Variants in ATG10 observed in about 807,000 individuals in gnomAD.
ATG10 encodes autophagy related 10.
In ATG10, 30 loss-of-function variants were observed where a neutral mutation model predicts 32.1. That is an observed-to-expected ratio of 0.94 (90% CI 0.70 to 1.27). The LOEUF (loss-of-function observed/expected upper bound fraction) is 1.27. Among genes scored for constraint, ATG10 ranks in the 50% most tolerant of loss-of-function variants. The pLI, the probability that ATG10 is intolerant of heterozygous loss-of-function variation, is 0.00. For synonymous variants in ATG10, 87 were observed against 91.5 expected (o/e 0.95, Z 0.28); for missense variants, 233 against 262.3 (o/e 0.89, Z 0.77).
intron 1 of ATG10, among the ~76,000 whole-genome samples, chr5:81,978,120 A>G (rs1431177996): frequency 6.6e-6 from 1 of 151,984 alleles, no homozygotes; most frequent in Non-Finnish European, 1.5e-5. Flanking sequence ...CCCAAGCTGG[A>G]GTGCAATGGC....
At position 82,026,386 on chromosome 5, in the gene ATG10, G is replaced by T. The variant is rs138096769; in HGVS notation, c.109-32109G>T. Among the ~76,000 whole-genome samples the T allele has an allele frequency of 1.2e-3, 189 of 152,148 alleles. 2 individuals carry two copies. The highest frequency in any genetic ancestry group is 4.2e-3 in the African/African-American group (175 of 41,516). On this transcript the variant is annotated intron_variant, in intron 2 of 7. Transcript: ENST00000282185. ...TTGTTTATCCATTCTTCTGTTAATG[G>T]ATATTGGGGTTGCTTTCATCTTTTA...
intron 5 of ATG10, among the ~76,000 whole-genome samples, chr5:82,217,054 C>CAAAA (rs144022531): frequency 6.9e-6 from 1 of 144,200 alleles, no homozygotes. Flanking sequence ...GACTCAGTCT[C>CAAAA]AAAAAAAAAA....
Position 81,993,396 on chromosome 5 carries a change from T to TCTTTTCTTTTCTTTTCTTTTCTTA in ATG10, c.108+5718_108+5719insCTTTTCTTTTCTTTTCTTTTCTTA, listed in dbSNP as rs1457131341. ...TTCTTTTCTTTTCTTTTCTTTTTTT[T>TCTTTTCTTTTCTTTTCTTTTCTTA]TCTTTTCTTTTCTTTTCTTTTCTTT... On this transcript the variant is annotated intron_variant, in intron 2 of 7. Transcript: ENST00000282185. Among the ~76,000 whole-genome samples the TCTTTTCTTTTCTTTTCTTTTCTTA allele has an allele frequency of 7.5e-4, 98 of 130,376 alleles. 6 individuals carry two copies. Among genetic ancestry groups the TCTTTTCTTTTCTTTTCTTTTCTTA allele is most frequent in the South Asian group, 1.2e-3 (5 of 4,056 alleles). The allele number at this position is 130,376 out of a possible 152,430, so 85.5% of individuals were successfully genotyped here.
At chr5:82,201,346 GTTTAT>G (rs781497458) in intron 5 of ATG10, among the ~76,000 whole-genome samples, 7 of 152,128 alleles carry the variant, frequency 4.6e-5, no homozygotes, top group Middle Eastern at 3.4e-3. Context: ...AAGCTGTGAG[GTTTAT>G]TTTATTATTT....
At chr5:82,076,541 T>G (rs1409286737) in intron 3 of ATG10, among the ~76,000 whole-genome samples, 1 of 152,128 alleles carries the variant, frequency 6.6e-6, no homozygotes, top group Admixed American at 6.6e-5. Context: ...GTAGTTCTTG[T>G]GTTGTGAGTG....
intron 2 of ATG10, among the ~76,000 whole-genome samples, chr5:82,042,042 A>T (rs903562643): frequency 2.0e-5 from 3 of 151,956 alleles, no homozygotes; most frequent in Non-Finnish European, 4.4e-5. Flanking sequence ...TATGATAGCT[A>T]TTTTCATGTC....
intron 5 of ATG10, among the ~76,000 whole-genome samples, chr5:82,213,813 A>G (rs968552665): frequency 1.3e-5 from 2 of 152,200 alleles, no homozygotes; most frequent in Non-Finnish European, 2.9e-5. Flanking sequence ...TCTGCCCTGG[A>G]TGATGCTATG....
At chr5:82,182,938 T>A (rs949630619) in intron 5 of ATG10, among the ~76,000 whole-genome samples, 1 of 151,948 alleles carries the variant, frequency 6.6e-6, no homozygotes, top group African/African-American at 2.4e-5. Context: ...GAGATGGGGG[T>A]CTTACTATGT....
At chr5:82,230,957 T>G (rs1746346761) in intron 5 of ATG10, among the ~76,000 whole-genome samples, 1 of 152,088 alleles carries the variant, frequency 6.6e-6, no homozygotes, top group African/African-American at 2.4e-5. Flanking sequence ...TGTGCATAAC[T>G]GATAGATAGA....
At chr5:82,222,330 G>A (rs1745961688) in intron 5 of ATG10, among the ~76,000 whole-genome samples, 1 of 152,198 alleles carries the variant, frequency 6.6e-6, no homozygotes, top group Non-Finnish European at 1.5e-5. Context: ...AAGGTACTGA[G>A]CCTTTCTATG....
intron 5 of ATG10, among the ~76,000 whole-genome samples, chr5:82,182,482 G>T (rs1744273299): frequency 6.6e-6 from 1 of 152,064 alleles, no homozygotes; most frequent in African/African-American, 2.4e-5. Flanking sequence ...TGTCTTCAGT[G>T]GGTAGATGGT....
At chr5:82,226,876 A>G (rs1021095847) in intron 5 of ATG10, among the ~76,000 whole-genome samples, 1 of 152,246 alleles carries the variant, frequency 6.6e-6, no homozygotes, top group African/African-American at 2.4e-5. Flanking sequence ...TAGAATTTGT[A>G]TCCTTTCAAA....
At chr5:82,156,674 C>T (rs1398497441) in intron 3 of ATG10, among the ~76,000 whole-genome samples, 2 of 152,198 alleles carry the variant, frequency 1.3e-5, no homozygotes, top group Non-Finnish European at 2.9e-5. Context: ...GAGAAACACA[C>T]TTGACCGACT....
intron 2 of ATG10, among the ~76,000 whole-genome samples, chr5:82,032,742 T>A (rs1216883904): frequency 6.6e-6 from 1 of 150,690 alleles, no homozygotes; most frequent in African/African-American, 2.4e-5. Context: ...TTATATATAT[T>A]GTTATTATAT....
chr5:82,218,258 C>G (rs1045990683), intron 5 of ATG10, among the ~76,000 whole-genome samples: 1 of 152,128 alleles, frequency 6.6e-6, no homozygotes, highest in Non-Finnish European at 1.5e-5. Context: ...TTATCAGGGA[C>G]CATTTTTGCT....
intron 3 of ATG10, among the ~76,000 whole-genome samples, chr5:82,097,085 A>G (rs1765094492): frequency 6.6e-6 from 1 of 152,128 alleles, no homozygotes. Context: ...TATCTAAAAT[A>G]TCTTTTGTTA....
chr5:82,243,143 A>G lies in ATG10; in HGVS notation c.454-9419A>G, dbSNP rs944061499. Among the ~76,000 whole-genome samples the G allele has an allele frequency of 5.3e-5, 8 of 152,104 alleles. No individual in the cohort carries two copies. In the East Asian group the frequency reaches 1.3e-3, roughly 26 times the overall value. On this transcript the variant is annotated intron_variant, in intron 5 of 7. Transcript: ENST00000282185. ...TAAGAATAACCACTAAATGTTTAGG[A>G]ATGTATTAATAGTATGTAATTTTTC...
chr5:82,184,474 C>G (rs972412748), intron 5 of ATG10, among the ~76,000 whole-genome samples: 4 of 152,062 alleles, frequency 2.6e-5, no homozygotes, highest in Admixed American at 1.3e-4. Context: ...TACTAAACTT[C>G]TGGACCCTAA....
At chr5:82,132,189 G>A (rs1363274644) in intron 3 of ATG10, among the ~76,000 whole-genome samples, 1 of 152,060 alleles carries the variant, frequency 6.6e-6, no homozygotes, top group Admixed American at 6.6e-5. Flanking sequence ...TAATGTAAGA[G>A]TGTGTACTAT....
Sources: allele counts gnomAD v4.1 joint callset (sites outside exome capture counted in the v4.1 genomes callset), GRCh38; gene constraint gnomAD v4.1.1; transcripts MANE v1.5; gene names NCBI Gene and HGNC (gene_info 2026-07-23, HGNC 2026-07-21).